The following SGCD variants were observed in gnomAD, a reference collection of about 807,000 sequenced individuals.
SGCD encodes delta-sarcoglycan.
Under a neutral mutation model 36.6 loss-of-function variants are expected in SGCD, and 18 were observed. That is an observed-to-expected ratio of 0.49 (90% CI 0.34 to 0.73). The LOEUF is 0.73. Among genes scored for constraint, SGCD ranks in the 30% least tolerant of loss-of-function variants. The pLI is 0.01. For missense variants in SGCD, 387 were observed against 346.7 expected, an observed-to-expected ratio of 1.12 and a Z score of -0.92; for synonymous variants, 133 against 130.6, an observed-to-expected ratio of 1.02 and a Z score of -0.12.
At chr5:156,146,146 G>A (rs2127612873) in intron 3 of SGCD, among the ~76,000 whole-genome samples, 1 of 152,310 alleles carries the variant, frequency 6.6e-6, no homozygotes, top group South Asian at 2.1e-4. Flanking sequence ...CTGGGAGGTG[G>A]AGCTTGCAGT....
intron 3 of SGCD, among the ~76,000 whole-genome samples, chr5:156,153,192 CAG>C (rs1762869429): frequency 6.6e-6 from 1 of 151,170 alleles, no homozygotes; most frequent in South Asian, 2.1e-4. Context: ...AAACCTGTCA[CAG>C]AGTCATAGAT....
chr5:156,519,485 TGAAAAG>T (rs1757317424), intron 4 of SGCD, among the ~76,000 whole-genome samples: 1 of 152,032 alleles, frequency 6.6e-6, no homozygotes, highest in South Asian at 2.1e-4. Flanking sequence ...TCCAAACAAT[TGAAAAG>T]GAGGGATTCT....
At chr5:156,317,394 A>T (rs2127694463) in intron 3 of SGCD, among the ~76,000 whole-genome samples, 1 of 152,264 alleles carries the variant, frequency 6.6e-6, no homozygotes, top group Admixed American at 6.5e-5. Flanking sequence ...GGATCTTCTG[A>T]TGAAGAAGAC....
chr5:156,084,417 G>A (rs1385968528), intron 1 of SGCD, among the ~76,000 whole-genome samples: 1 of 152,116 alleles, frequency 6.6e-6, no homozygotes, highest in Non-Finnish European at 1.5e-5. Flanking sequence ...ATATAGAAAT[G>A]GGATTAATTT....
At chr5:156,429,471 T>A (rs1773832153) in intron 3 of SGCD, among the ~76,000 whole-genome samples, 1 of 152,062 alleles carries the variant, frequency 6.6e-6, no homozygotes, top group Admixed American at 6.6e-5. Context: ...ATTCTGCCAT[T>A]CTGTGTCTTT....
intron 3 of SGCD, among the ~76,000 whole-genome samples, chr5:156,197,217 T>A (rs952809312): frequency 1.3e-5 from 2 of 152,144 alleles, no homozygotes; most frequent in African/African-American, 4.8e-5. Context: ...ATAGAACCCT[T>A]TTTTTAGCCT....
intron 1 of SGCD, among the ~76,000 whole-genome samples, chr5:155,933,043 T>A (rs1441046678): frequency 2.6e-5 from 4 of 152,246 alleles, no homozygotes; most frequent in Non-Finnish European, 5.9e-5. Context: ...GGTTAGTATG[T>A]TGCTTTGTCC....
At chr5:156,501,310 C>T (rs148477518) in intron 3 of SGCD, among the ~76,000 whole-genome samples, 105 of 152,306 alleles carry the variant, frequency 6.9e-4, no homozygotes, top group East Asian at 3.9e-3. Flanking sequence ...TAGGCTACTG[C>T]TGCTTCATTC....
chr5:156,325,239 C>A (rs927031341), upstream of SGCD, among the ~76,000 whole-genome samples: 1 of 151,548 alleles, frequency 6.6e-6, no homozygotes, highest in African/African-American at 2.4e-5. Flanking sequence ...GGTGACAGGC[C>A]CCTATTACAT....
At chr5:156,101,532 A>G (rs1211272983) in intron 1 of SGCD, among the ~76,000 whole-genome samples, 1 of 152,160 alleles carries the variant, frequency 6.6e-6, no homozygotes, top group Non-Finnish European at 1.5e-5. Context: ...TTCTCCCCTA[A>G]TGAATCGTTA....
the SGCD span, among the ~76,000 whole-genome samples, chr5:155,749,275 G>C: frequency 6.6e-6 from 1 of 152,104 alleles, no homozygotes; most frequent in Non-Finnish European, 1.5e-5. Flanking sequence ...GCCTGGAGAT[G>C]TATCAATTAC....
At chr5:156,733,277 T>A (rs887752491) in intron 7 of SGCD, among the ~76,000 whole-genome samples, 1 of 152,182 alleles carries the variant, frequency 6.6e-6, no homozygotes, top group Non-Finnish European at 1.5e-5. Context: ...AAAGAACTTA[T>A]TGATTTTTGC....
intron 6 of SGCD, among the ~76,000 whole-genome samples, chr5:156,635,393 TG>T (rs1181063797): frequency 6.6e-6 from 1 of 152,168 alleles, no homozygotes; most frequent in Admixed American, 6.5e-5. Context: ...CAACAGATGC[TG>T]GAGAGGATGT....
the SGCD span, among the ~76,000 whole-genome samples, chr5:155,845,065 C>T: frequency 6.6e-6 from 1 of 152,078 alleles, no homozygotes; most frequent in Admixed American, 6.6e-5. Flanking sequence ...TGTGATATTC[C>T]CCTCCCTGTG....
At chr5:156,004,920 A>T (rs1050568139) in intron 1 of SGCD, among the ~76,000 whole-genome samples, 7 of 152,174 alleles carry the variant, frequency 4.6e-5, no homozygotes, top group Non-Finnish European at 1.0e-4. Context: ...CTAAAAATAG[A>T]TAAAAGAAAA....
At chr5:156,090,394 T>G (rs1169918434) in intron 1 of SGCD, among the ~76,000 whole-genome samples, 2 of 152,140 alleles carry the variant, frequency 1.3e-5, no homozygotes, top group Non-Finnish European at 2.9e-5. Flanking sequence ...AGGGGTGCCA[T>G]TACATATTGG....
chr5:155,877,338 G>A (rs1283119288), intron 1 of SGCD, among the ~76,000 whole-genome samples: 1 of 152,158 alleles, frequency 6.6e-6, no homozygotes, highest in Non-Finnish European at 1.5e-5. Context: ...TTAAATGAGT[G>A]TGAAGAATAC....
chr5:156,266,775 C>G (rs1298581183), intron 3 of SGCD, among the ~76,000 whole-genome samples: 1 of 129,202 alleles, frequency 7.7e-6, no homozygotes, highest in Non-Finnish European at 1.6e-5. Context: ...ACTGGCCCCA[C>G]TGTTTTTTTT....
At chr5:155,729,890 C>T in the SGCD span, among the ~76,000 whole-genome samples, 3 of 152,218 alleles carry the variant, frequency 2.0e-5, no homozygotes, top group Non-Finnish European at 4.4e-5. Flanking sequence ...GGCTGGTCCT[C>T]GGACTTGAGC....
Sources: allele counts gnomAD v4.1 joint callset (sites outside exome capture counted in the v4.1 genomes callset), GRCh38; gene constraint gnomAD v4.1.1; transcripts MANE v1.5; gene names NCBI Gene and HGNC (gene_info 2026-07-23, HGNC 2026-07-21).